UGT1A7: variants seen among roughly 807,000 people sequenced by gnomAD.
UGT1A7 encodes the protein UDP-glucuronosyltransferase 1A7.
UGT1A7 carries 33 observed loss-of-function variants against 45.6 expected under a neutral mutation model. That is an observed-to-expected ratio of 0.72 (90% CI 0.55 to 0.97). UGT1A7 has a LOEUF of 0.97. Among genes scored for constraint, UGT1A7 ranks in the 50% least tolerant of loss-of-function variants. UGT1A7 has a pLI of 0.00. For synonymous variants in UGT1A7, 274 were observed against 250.6 expected (o/e 1.09, Z -0.88); for missense variants, 684 against 666.2 (o/e 1.03, Z -0.29).
At chr2:233,710,732 C>G (rs1375598699) in intron 1 of UGT1A7, among the ~76,000 whole-genome samples, 1 of 152,164 alleles carries the variant, frequency 6.6e-6, no homozygotes, top group Non-Finnish European at 1.5e-5. Context: ...AAAACAACGT[C>G]TTTCAAGGAG....
At chr2:233,733,871 G>T (rs1394272645) in intron 1 of UGT1A7, among the ~76,000 whole-genome samples, 1 of 152,036 alleles carries the variant, frequency 6.6e-6, no homozygotes, top group Non-Finnish European at 1.5e-5. Flanking sequence ...AATAGTTTCA[G>T]AAGGAATGGT....
chr2:233,743,560 C>T (rs1242175284), intron 1 of UGT1A7: 1 of 1,367,302 alleles, frequency 7.3e-7, no homozygotes. Context: ...AAATATTCTC[C>T]AGCGGGTTTC....
At position 233,724,298 on chromosome 2, in the gene UGT1A7, C is replaced by G. The variant is rs1308100434; in HGVS notation, c.855+41506C>G. Among the ~76,000 whole-genome samples, 14 of 143,328 alleles carry G rather than the reference C, an allele frequency of 9.8e-5. No individual in the cohort carries two copies. In the East Asian group the frequency reaches 3.1e-3, roughly 31 times the overall value. 94.0% of individuals were successfully genotyped at this position (143,328 alleles called of 152,430 possible). Reference sequence around the variant, plus strand: ...TGGCCGGGCGGGGGGCTGACCCCCCCACCTCCCTCCCGGACGGGGCGGCTG... The same window carrying G: ...TGGCCGGGCGGGGGGCTGACCCCCCGACCTCCCTCCCGGACGGGGCGGCTG... On this transcript the variant is annotated intron_variant, in intron 1 of 4. Transcript: ENST00000373426.
intron 1 of UGT1A7, among the ~76,000 whole-genome samples, chr2:233,712,244 G>T (rs184398589): frequency 2.0e-5 from 3 of 152,178 alleles, no homozygotes; most frequent in African/African-American, 7.2e-5. Context: ...TCTTTGCTAG[G>T]GTTGTCTTGC....
intron 1 of UGT1A7, chr2:233,750,478 T>A (rs1694468358): frequency 1.3e-5 from 2 of 151,902 alleles, no homozygotes. Context: ...GCTATAGAAA[T>A]TTGCATAAGT....
intron 4 of UGT1A7, 25 bp downstream of exon 4, chr2:233,768,464 A>G (rs902987402): frequency 1.9e-6 from 3 of 1,606,818 alleles, no homozygotes; most frequent in Non-Finnish European, 2.6e-6. Flanking sequence ...ACAGAAGAAT[A>G]CTTTGGTCAT....
At chr2:233,768,612 A>C (rs1575836446) in intron 4 of UGT1A7, among the ~76,000 whole-genome samples, 173 bp downstream of exon 4, 1 of 107,010 alleles carries the variant, frequency 9.3e-6, no homozygotes, top group African/African-American at 3.6e-5. Context: ...TTTGAGATGG[A>C]GTCTTGCTCT....
At chr2:233,756,223 T>G (rs1194154122) in intron 1 of UGT1A7, 1 of 152,204 alleles carries the variant, frequency 6.6e-6, no homozygotes, top group Non-Finnish European at 1.5e-5. Context: ...AAGGGATTAG[T>G]TTAGGACAAC....
chr2:233,760,579 A>T lies in UGT1A7; in HGVS notation c.856-6455A>T. 1.2e-6 allele frequency: 2 copies of T among 1,614,220 alleles called. No homozygotes were observed. Among genetic ancestry groups the T allele is most frequent in the Non-Finnish European group, 1.7e-6 (2 of 1,180,050 alleles). On this transcript the variant is annotated intron_variant, in intron 1 of 4. Transcript: ENST00000373426. ...AGAGTCTTTTGTTAGTCTCGGGCATAATGTTTTTGAGAATGATTCTTTCCT... is the reference window on the plus strand; with the variant it reads ...AGAGTCTTTTGTTAGTCTCGGGCATTATGTTTTTGAGAATGATTCTTTCCT...
rs558770255 is a variant in UGT1A7, at chr2:233,763,535, G to A, written c.856-3499G>A. Among the ~76,000 whole-genome samples the A allele has an allele frequency of 7.2e-5, 11 of 152,022 alleles. No homozygotes were observed. The East Asian group carries it at 9.7e-4, about 13-fold the overall frequency. ...TTGACTTTGCCATTCTCCTTTTTCC[G>A]GATTTCTACTGGTTGGTCAAGTTAC... On this transcript the variant is annotated intron_variant, in intron 1 of 4. Coordinates refer to ENST00000373426, the MANE Select transcript of UGT1A7 (RefSeq NM_019077.3).
chr2:233,704,566 C>T (rs1174426546), intron 1 of UGT1A7, among the ~76,000 whole-genome samples: 1 of 152,028 alleles, frequency 6.6e-6, no homozygotes, highest in Non-Finnish European at 1.5e-5. Flanking sequence ...TATAAATACA[C>T]ATGCTTTCAA....
chr2:233,722,088 C>T (rs983768867), intron 1 of UGT1A7: 6 of 215,248 alleles, frequency 2.8e-5, no homozygotes, highest in African/African-American at 1.4e-4. Context: ...CACAGATCAC[C>T]TTAGGCCTCT....
intron 1 of UGT1A7, chr2:233,719,568 A>C (rs1164551922): frequency 1.9e-6 from 3 of 1,613,756 alleles, no homozygotes; most frequent in East Asian, 2.2e-5. Flanking sequence ...GGATCTTGTC[A>C]GCTATGCATC....
In UGT1A7 at chr2:233,682,143, C is replaced by T. The variant is rs1352852868; in HGVS notation, c.206C>T (p.Ser69Leu). The T allele has an allele frequency of 3.7e-6, 6 of 1,614,178 alleles. No individual in the cohort carries two copies. In the East Asian group the frequency reaches 1.3e-4, roughly 36 times the overall value. Reference sequence around the variant, plus strand: ...GAGGTGAGTTGGCAACTGGGAAGATCACTGAATTGCACAGTGAAGACTTAC... The same window carrying T: ...GAGGTGAGTTGGCAACTGGGAAGATTACTGAATTGCACAGTGAAGACTTAC... ...MPEVSWQLGRSLNCTVKTYST... is the reference protein window; with the variant it reads ...MPEVSWQLGRLLNCTVKTYST... Residue 69 changes from serine to leucine, a missense_variant, in exon 1 of 5, where the codon TCA becomes TTA. Coordinates refer to ENST00000373426, the MANE Select transcript of UGT1A7 (RefSeq NM_019077.3).
chr2:233,703,941 A>G (rs2075759906), intron 1 of UGT1A7, among the ~76,000 whole-genome samples: 1 of 151,570 alleles, frequency 6.6e-6, no homozygotes, highest in African/African-American at 2.4e-5. Context: ...CCCAGACTGG[A>G]GTGCAGTGGT....
At chr2:233,743,983 G>A (rs1033622103) in intron 1 of UGT1A7, 34 of 1,288,222 alleles carry the variant, frequency 2.6e-5, no homozygotes, top group Middle Eastern at 4.7e-4. Flanking sequence ...GCACCCAGGC[G>A]CAGGCCCGAG....
chr2:233,687,016 G>A (rs1005140519), intron 1 of UGT1A7, among the ~76,000 whole-genome samples: 1 of 152,156 alleles, frequency 6.6e-6, no homozygotes, highest in Non-Finnish European at 1.5e-5. Flanking sequence ...AGGACTTTAG[G>A]AGGTGGTTCA....
intron 1 of UGT1A7, among the ~76,000 whole-genome samples, chr2:233,689,550 G>A (rs2074949714): frequency 6.6e-6 from 1 of 152,232 alleles, no homozygotes; most frequent in Non-Finnish European, 1.5e-5. Context: ...GCAGGTCATA[G>A]GTGAATTCAG....
intron 1 of UGT1A7, among the ~76,000 whole-genome samples, 174 bp downstream of exon 1, chr2:233,682,966 G>A (rs917597536): frequency 2.0e-5 from 3 of 152,118 alleles, no homozygotes; most frequent in Non-Finnish European, 4.4e-5. Context: ...GTATAAAGCA[G>A]CTCTTGTTGA....
Sources: allele counts gnomAD v4.1 joint callset (sites outside exome capture counted in the v4.1 genomes callset), GRCh38; gene constraint gnomAD v4.1.1; transcripts MANE v1.5; gene names NCBI Gene and HGNC (gene_info 2026-07-23, HGNC 2026-07-21).